The following CTDSPL2 variants were observed in gnomAD, a reference collection of about 807,000 sequenced individuals.
The protein encoded by CTDSPL2 is CTD small phosphatase-like protein 2.
In CTDSPL2, 5 loss-of-function variants were observed where a neutral mutation model predicts 60.0. The observed-to-expected ratio is 0.08, with a 90% CI of 0.04 to 0.18. The LOEUF is 0.18. Among genes scored for constraint, CTDSPL2 ranks in the 10% least tolerant of loss-of-function variants. The pLI is 1.00. For missense variants in CTDSPL2, 370 were observed against 548.8 expected (o/e 0.67, Z 3.26); for synonymous variants, 186 against 189.3 (o/e 0.98, Z 0.14).
At chr15:44,442,400 T>A (rs1232553404) in intron 1 of CTDSPL2, among the ~76,000 whole-genome samples, 1 of 147,676 alleles carries the variant, frequency 6.8e-6, no homozygotes, top group East Asian at 2.0e-4. Flanking sequence ...TGAGCTGAGA[T>A]CATGCCACTG....
At chr15:44,474,251 A>T (rs2080868970) in intron 2 of CTDSPL2, among the ~76,000 whole-genome samples, 1 of 152,060 alleles carries the variant, frequency 6.6e-6, no homozygotes, top group Non-Finnish European at 1.5e-5. Flanking sequence ...TAGGAGGCCG[A>T]GAAGGGCAGA....
At chr15:44,466,657 C>T (rs1448356141) in intron 2 of CTDSPL2, among the ~76,000 whole-genome samples, 11 of 151,936 alleles carry the variant, frequency 7.2e-5, no homozygotes, top group African/African-American at 2.7e-4. Context: ...TGTTACTGTA[C>T]TGATTGGCCG....
rs774301193 is a variant in CTDSPL2, at chr15:44,497,100, A to G, written c.844A>G (p.Thr282Ala). The change falls in exon 7 of 13, where the codon ACA becomes GCA. Residue 282 changes from threonine (T) to alanine (A), a missense_variant. Thr to Ala is a moderately conservative substitution (Grantham distance 58, BLOSUM62 0). Coordinates refer to ENST00000260327, the MANE Select transcript of CTDSPL2 (RefSeq NM_016396.3). The part of the protein sequence containing the change: ...LNRKPALPLK[T>A]RSTPEFSLVL... ...TAGGAAACCTGCTCTTCCGTTGAAA[A>G]CAAGAAGCACACCGGAATTCTCCCT... The G allele has an allele frequency of 6.2e-7, 1 of 1,610,752 alleles. No individual in the cohort carries two copies. Among genetic ancestry groups the G allele is most frequent in the Non-Finnish European group, 8.5e-7 (1 of 1,177,338 alleles).
At chr15:44,445,704 C>G (rs2080197445) in intron 1 of CTDSPL2, among the ~76,000 whole-genome samples, 1 of 151,104 alleles carries the variant, frequency 6.6e-6, no homozygotes, top group African/African-American at 2.4e-5. Flanking sequence ...GTGGCACGAT[C>G]TTGGCTTACT....
chr15:44,504,996 A>G (rs1450422052), intron 8 of CTDSPL2, among the ~76,000 whole-genome samples: 3 of 152,198 alleles, frequency 2.0e-5, no homozygotes, highest in African/African-American at 7.2e-5. Context: ...TTTCATCATA[A>G]TTATTCATTA....
At chr15:44,512,349 A>G (rs2081581596) in intron 8 of CTDSPL2, among the ~76,000 whole-genome samples, 1 of 152,238 alleles carries the variant, frequency 6.6e-6, no homozygotes, top group Non-Finnish European at 1.5e-5. Flanking sequence ...AAACATTTAT[A>G]TACATGAAAA....
intron 1 of CTDSPL2, among the ~76,000 whole-genome samples, chr15:44,434,011 A>T (rs1164417042): frequency 6.6e-6 from 1 of 151,930 alleles, no homozygotes; most frequent in African/African-American, 2.4e-5. Flanking sequence ...CAGTAATCTA[A>T]CAACCCATAT....
intron 1 of CTDSPL2, chr15:44,449,357 G>C (rs1271566800): frequency 6.3e-6 from 1 of 157,632 alleles, no homozygotes; most frequent in Admixed American, 6.5e-5. Context: ...TTCAGTGCCT[G>C]TTGCCCAGGC....
At chr15:44,508,156 C>T (rs1240020354) in intron 8 of CTDSPL2, among the ~76,000 whole-genome samples, 1 of 151,600 alleles carries the variant, frequency 6.6e-6, no homozygotes, top group African/African-American at 2.4e-5. Context: ...GATCACATCT[C>T]ACTGCAGCCT....
chr15:44,472,472 A>G (rs2080830430), intron 2 of CTDSPL2, among the ~76,000 whole-genome samples: 1 of 150,748 alleles, frequency 6.6e-6, no homozygotes, highest in Non-Finnish European at 1.5e-5. Context: ...CTTCTTGGCC[A>G]TTTACATTTT....
chr15:44,458,970 TTTA>T lies in CTDSPL2; in HGVS notation c.-24-15_-24-13del. ...TAATAACTTTTAATTTTTTATTACA[TTTA>T]TTATTTTTCTCTTTTAGTTTTACAT... is the stretch of plus-strand genomic sequence containing the variant. On this transcript the variant is annotated intron_variant, in intron 1 of 12. Transcript: ENST00000260327. The T allele has an allele frequency of 7.2e-7, 1 of 1,388,254 alleles. No homozygotes were observed. Among genetic ancestry groups the T allele is most frequent in the Non-Finnish European group, 9.6e-7 (1 of 1,039,800 alleles). The allele number at this position is 1,388,254 out of a possible 1,614,324, so 86.0% of individuals were successfully genotyped here.
At chr15:44,489,165 C>T (rs1423086182) in intron 4 of CTDSPL2, among the ~76,000 whole-genome samples, 1 of 150,674 alleles carries the variant, frequency 6.6e-6, no homozygotes, top group African/African-American at 2.4e-5. Context: ...CTCCCCTCCC[C>T]CTGCCTTTCC....
At chr15:44,520,626 T>A (rs1017386793) in intron 11 of CTDSPL2, 1 of 152,228 alleles carries the variant, frequency 6.6e-6, no homozygotes, top group Non-Finnish European at 1.5e-5. Context: ...CTTACTTTTA[T>A]TTGTTTACAT....
At position 44,525,688 on chromosome 15, in the gene CTDSPL2, T is replaced by C. The variant is rs1234806464; in HGVS notation, c.*1514T>C. On this transcript the variant is annotated 3_prime_UTR_variant, in exon 13 of 13. Transcript: ENST00000260327. ...TTACTTGTACAACTTACTGTACAAATTACATGCAGCTTCATTTTCAAATGA... is the reference window on the plus strand; with the variant it reads ...TTACTTGTACAACTTACTGTACAAACTACATGCAGCTTCATTTTCAAATGA... The C allele has an allele frequency of 2.6e-6, 1 of 390,184 alleles. No individual in the cohort carries two copies. The highest frequency in any genetic ancestry group is 4.5e-6 in the Non-Finnish European group (1 of 220,878). The allele number at this position is 390,184 out of a possible 1,614,324, so 24.2% of individuals were successfully genotyped here.
At chr15:44,479,378 C>T (rs1342371930) in intron 2 of CTDSPL2, among the ~76,000 whole-genome samples, 1 of 148,440 alleles carries the variant, frequency 6.7e-6, no homozygotes, top group Non-Finnish European at 1.5e-5. Context: ...AGTTTTTCTT[C>T]CTCTGCTGTA....
In CTDSPL2 at chr15:44,459,116, G is replaced by A; in HGVS notation, c.102G>A (p.Leu34=). 1 of 1,613,204 alleles carries A rather than the reference G, an allele frequency of 6.2e-7. No homozygotes were observed. Among genetic ancestry groups the A allele is most frequent in the East Asian group, 2.2e-5 (1 of 44,750 alleles). ...AATATTCAGAGGTTGATGATAGCCT[G>A]CCTTCAGGAGGAGAAAAACCATCGA... ...KRKYSEVDDS[L]PSGGEKPSKN... Residue 34 remains leucine (L), a synonymous_variant, in exon 2 of 13, where the codon CTG becomes CTA. Transcript: ENST00000260327.
chr15:44,472,369 AT>A (rs1192824650), intron 2 of CTDSPL2, among the ~76,000 whole-genome samples: 1 of 152,092 alleles, frequency 6.6e-6, no homozygotes, highest in Non-Finnish European at 1.5e-5. Flanking sequence ...TGTCTTTTTT[AT>A]TATAGCCATC....
At chr15:44,518,555 G>A (rs1464548008) in intron 10 of CTDSPL2, 1 of 151,710 alleles carries the variant, frequency 6.6e-6, no homozygotes, top group Non-Finnish European at 1.5e-5. Flanking sequence ...TTTGGTCTTA[G>A]GACCTTTTCT....
chr15:44,457,826 A>G (rs996005653), intron 1 of CTDSPL2, among the ~76,000 whole-genome samples: 4 of 152,172 alleles, frequency 2.6e-5, no homozygotes, highest in Non-Finnish European at 5.9e-5. Context: ...TGGCCAGGCT[A>G]GTCTGGAACT....
Sources: gnomAD v4.1 joint callset for allele counts (sites outside exome capture counted in the v4.1 genomes callset) on GRCh38, gnomAD v4.1.1 for gene constraint, MANE v1.5 for transcripts, NCBI Gene and HGNC (gene_info 2026-07-23, HGNC 2026-07-21) for gene names.